Variants in NELL1 observed in about 807,000 individuals in gnomAD.
NELL1 encodes neural EGFL like 1.
NELL1 carries 76 observed loss-of-function variants against 107.4 expected under a neutral mutation model. The ratio of observed to expected loss-of-function variants is 0.71; its 90% CI spans 0.59 to 0.86. The LOEUF (loss-of-function observed/expected upper bound fraction) is 0.86. Among genes scored for constraint, NELL1 ranks in the 40% least tolerant of loss-of-function variants. NELL1 has a pLI of 0.00. For synonymous variants in NELL1, 353 were observed against 341.2 expected (o/e 1.03, Z -0.38); for missense variants, 1,024 against 1,005.5 (o/e 1.02, Z -0.25).
intron 2 of NELL1, among the ~76,000 whole-genome samples, chr11:20,714,501 C>A (rs1465983183): frequency 6.9e-6 from 1 of 145,802 alleles, no homozygotes; most frequent in African/African-American, 2.5e-5. Flanking sequence ...AACCATCATG[C>A]CTGGCCCTGA....
chr11:20,731,091 TA>T (rs869185907), intron 2 of NELL1, among the ~76,000 whole-genome samples: 3 of 5,344 alleles, frequency 5.6e-4, no homozygotes, highest in East Asian at 0.033. Context: ...GATTCTATGA[TA>T]ATTTCAGCTG....
intron 12 of NELL1, among the ~76,000 whole-genome samples, chr11:21,102,458 GC>G (rs1336342069): frequency 3.9e-5 from 6 of 152,138 alleles, no homozygotes; most frequent in African/African-American, 1.4e-4. Context: ...GTTTGGCTCT[GC>G]CCCTTACCTG....
At chr11:21,042,721 G>T (rs1305587117) in intron 12 of NELL1, among the ~76,000 whole-genome samples, 1 of 152,104 alleles carries the variant, frequency 6.6e-6, no homozygotes, top group Non-Finnish European at 1.5e-5. Flanking sequence ...CTGAGGACTT[G>T]CAGGTGATGA....
chr11:21,445,484 G>A (rs1473033733), intron 15 of NELL1, among the ~76,000 whole-genome samples: 1 of 151,896 alleles, frequency 6.6e-6, no homozygotes, highest in African/African-American at 2.4e-5. Context: ...GCACCACCAT[G>A]CCTGGCTAAT....
At position 20,669,654 on chromosome 11, in the gene NELL1, C is replaced by T. The variant is rs1853843674; in HGVS notation, c.-70C>T. ...TTTGGCGGCTCCAAGCCAGGCGCGC[C>T]TCAGGATCCAGGCTCATTTGCTTCC... On this transcript the variant is annotated 5_prime_UTR_variant, in exon 1 of 20. Transcript: ENST00000357134. This position sits in a 1 kb window ranked among gnomAD's most constrained non-coding sequence, Gnocchi z 4.4. The T allele has an allele frequency of 1.5e-5, 21 of 1,389,086 alleles. No individual in the cohort carries two copies. In the South Asian group the frequency reaches 2.1e-4, roughly 14 times the overall value. 86.0% of individuals were successfully genotyped at this position (1,389,086 alleles called of 1,614,324 possible).
chr11:21,100,902 A>G (rs1053071116), intron 12 of NELL1, among the ~76,000 whole-genome samples: 4 of 151,894 alleles, frequency 2.6e-5, no homozygotes. Flanking sequence ...GGCTAGTTAC[A>G]TATGTATACA....
chr11:21,235,953 C>T (rs553354079), intron 14 of NELL1, among the ~76,000 whole-genome samples: 1 of 152,074 alleles, frequency 6.6e-6, no homozygotes, highest in African/African-American at 2.4e-5. Flanking sequence ...CATGTAGTCC[C>T]ATATGAATAG....
chr11:20,921,893 T>C lies in NELL1; in HGVS notation c.759+2559T>C, dbSNP rs529747015. 2.6e-5 allele frequency among the ~76,000 whole-genome samples: 4 copies of C among 151,916 alleles called. No homozygotes were observed. In the East Asian group the frequency reaches 7.8e-4, roughly 30 times the overall value. ...GGAAATAGTGAAAATTATTTGACAT[T>C]ATTTACTTAAGTATTTTCAAACCAG... On this transcript the variant is annotated intron_variant, in intron 7 of 19. Transcript: ENST00000357134.
At chr11:21,014,400 C>G (rs1237938027) in intron 12 of NELL1, among the ~76,000 whole-genome samples, 1 of 152,080 alleles carries the variant, frequency 6.6e-6, no homozygotes, top group Non-Finnish European at 1.5e-5. Flanking sequence ...GGGAAAGATC[C>G]TTTCTAAGAC....
intron 3 of NELL1, among the ~76,000 whole-genome samples, chr11:20,797,565 C>CAAAA (rs35016707): frequency 0.01 from 698 of 69,130 alleles, 38 homozygotes; most frequent in African/African-American, 0.038. Context: ...GACTCCATCT[C>CAAAA]AAAAAAAAAA....
At chr11:20,780,803 G>T (rs1442280732) in intron 2 of NELL1, among the ~76,000 whole-genome samples, 1 of 152,108 alleles carries the variant, frequency 6.6e-6, no homozygotes, top group African/African-American at 2.4e-5. Flanking sequence ...AGCACTGTGG[G>T]CAGAGGGACA....
At chr11:20,932,696 G>T (rs940997462) in intron 9 of NELL1, among the ~76,000 whole-genome samples, 1 of 152,166 alleles carries the variant, frequency 6.6e-6, no homozygotes, top group Non-Finnish European at 1.5e-5. Context: ...GAGAGGAGAA[G>T]TAACTTGTCC....
chr11:21,251,939 A>G (rs1341736190), intron 14 of NELL1, among the ~76,000 whole-genome samples: 1 of 152,178 alleles, frequency 6.6e-6, no homozygotes, highest in East Asian at 1.9e-4. Context: ...AAGGGCAAGA[A>G]CAAGATTAAT....
At chr11:20,961,453 T>TTA (rs1851289274) in intron 12 of NELL1, among the ~76,000 whole-genome samples, 1 of 152,186 alleles carries the variant, frequency 6.6e-6, no homozygotes, top group Non-Finnish European at 1.5e-5. Flanking sequence ...TCATTAATAA[T>TTA]ACCTTGCACC....
At chr11:21,327,616 C>CA (rs759355070) in intron 14 of NELL1, among the ~76,000 whole-genome samples, 1 of 152,102 alleles carries the variant, frequency 6.6e-6, no homozygotes, top group Non-Finnish European at 1.5e-5. Flanking sequence ...GAAAGATACC[C>CA]AAAAATGTGG....
At position 20,755,904 on chromosome 11, in the gene NELL1, T is replaced by G. The variant is rs1263160149; in HGVS notation, c.185-27776T>G. ...TTTTTTTTTTTTTTTTTTTTTTTTTTTTTTATGAGACGGAGTCTCGCTCTG... is the reference window on the plus strand; with the variant it reads ...TTTTTTTTTTTTTTTTTTTTTTTTTGTTTTATGAGACGGAGTCTCGCTCTG... On this transcript the variant is annotated intron_variant, in intron 2 of 19. Coordinates refer to ENST00000357134, the MANE Select transcript of NELL1 (RefSeq NM_006157.5). 1.3e-3 allele frequency among the ~76,000 whole-genome samples: 98 copies of G among 74,508 alleles called. 4 individuals carry two copies. The East Asian group carries it at 0.031, about 24-fold the overall frequency. 48.9% of individuals were successfully genotyped at this position (74,508 alleles called of 152,430 possible).
chr11:21,555,820 T>C (rs1856690384), intron 16 of NELL1, among the ~76,000 whole-genome samples: 1 of 151,932 alleles, frequency 6.6e-6, no homozygotes, highest in Non-Finnish European at 1.5e-5. Flanking sequence ...GAGCTCCTCA[T>C]CACGCTAATG....
At chr11:20,807,180 C>A (rs1032421219) in intron 3 of NELL1, among the ~76,000 whole-genome samples, 1 of 151,936 alleles carries the variant, frequency 6.6e-6, no homozygotes, top group African/African-American at 2.4e-5. Flanking sequence ...TGTACCTATG[C>A]TTTTGTGAAG....
chr11:21,210,445 CATT>C (rs1258993369), intron 13 of NELL1, among the ~76,000 whole-genome samples: 1 of 152,100 alleles, frequency 6.6e-6, no homozygotes, highest in Non-Finnish European at 1.5e-5. Context: ...AGTGGTATCT[CATT>C]GTGGCTTTGC....
Sources: allele counts gnomAD v4.1 joint callset (sites outside exome capture counted in the v4.1 genomes callset), GRCh38; gene constraint gnomAD v4.1.1; non-coding constraint Gnocchi (gnomAD v3.1); transcripts MANE v1.5; gene names NCBI Gene and HGNC (gene_info 2026-07-23, HGNC 2026-07-21).